Variants in CDH13 observed in about 807,000 individuals in gnomAD.
CDH13 encodes cadherin 13.
In CDH13, 24 loss-of-function variants were observed where a neutral mutation model predicts 63.8. That is an observed-to-expected ratio of 0.38 (90% CI 0.27 to 0.53). The LOEUF is 0.53. Ranked by LOEUF, CDH13 falls within the 20% of genes least tolerant of loss-of-function variation. The probability of loss-of-function intolerance (pLI) is 0.85; values close to 1 mark genes in which losing one functional copy is unlikely to be tolerated. For synonymous variants in CDH13, 503 were observed against 355.3 expected (o/e 1.42, Z -4.67); for missense variants, 1,049 against 903.1 (o/e 1.16, Z -2.07).
At chr16:82,828,042 G>A (rs1480205659) in intron 1 of CDH13, among the ~76,000 whole-genome samples, 1 of 152,136 alleles carries the variant, frequency 6.6e-6, no homozygotes, top group Non-Finnish European at 1.5e-5. Flanking sequence ...GAGACAGTTG[G>A]TCATCCTATT....
At chr16:82,744,061 G>A (rs748707941) in intron 1 of CDH13, among the ~76,000 whole-genome samples, 1 of 152,122 alleles carries the variant, frequency 6.6e-6, no homozygotes, top group Non-Finnish European at 1.5e-5. Context: ...TTTCTTAATG[G>A]AGAGATTAAA....
chr16:82,755,790 T>C (rs1229630533), intron 1 of CDH13, among the ~76,000 whole-genome samples: 1 of 152,226 alleles, frequency 6.6e-6, no homozygotes. Context: ...ATGTCCATTC[T>C]TTGGCCTTAC....
intron 1 of CDH13, among the ~76,000 whole-genome samples, chr16:82,697,739 T>TATTG (rs1216746295): frequency 1.4e-5 from 2 of 146,582 alleles, no homozygotes; most frequent in African/African-American, 5.2e-5. Flanking sequence ...GGCCGAGGCA[T>TATTG]TGTGTGTGTG....
At chr16:83,543,483 C>G (rs1379132901) in intron 7 of CDH13, among the ~76,000 whole-genome samples, 3 of 152,190 alleles carry the variant, frequency 2.0e-5, no homozygotes, top group Admixed American at 6.5e-5. Flanking sequence ...CCTTGATTCC[C>G]CAGTGAGAAT....
intron 6 of CDH13, among the ~76,000 whole-genome samples, chr16:83,428,945 GGT>G (rs1236528056): frequency 2.0e-5 from 3 of 152,022 alleles, no homozygotes; most frequent in South Asian, 4.1e-4. Context: ...CAACTCTAGG[GGT>G]TTGTTCGGTC....
chr16:82,731,749 T>C (rs1180217985), intron 1 of CDH13, among the ~76,000 whole-genome samples: 3 of 152,266 alleles, frequency 2.0e-5, no homozygotes, highest in Non-Finnish European at 2.9e-5. Flanking sequence ...GTGTACAATT[T>C]ACAATATAGA....
intron 7 of CDH13, among the ~76,000 whole-genome samples, chr16:83,504,879 G>A (rs2074361366): frequency 6.6e-6 from 1 of 152,222 alleles, no homozygotes; most frequent in Non-Finnish European, 1.5e-5. Flanking sequence ...GTCCTGCCAG[G>A]TAAGTCTCAT....
chr16:83,091,704 G>C (rs1278550309), intron 3 of CDH13, among the ~76,000 whole-genome samples: 1 of 152,166 alleles, frequency 6.6e-6, no homozygotes, highest in African/African-American at 2.4e-5. Context: ...AAATATATCT[G>C]CTAGGGTATT....
intron 11 of CDH13, among the ~76,000 whole-genome samples, chr16:83,768,732 T>C (rs977588858): frequency 6.6e-6 from 1 of 152,140 alleles, no homozygotes; most frequent in Non-Finnish European, 1.5e-5. Context: ...CTTCCTGATG[T>C]TGCCATGGCA....
intron 2 of CDH13, among the ~76,000 whole-genome samples, chr16:83,022,058 G>T (rs550764348): frequency 6.6e-6 from 1 of 152,294 alleles, no homozygotes; most frequent in South Asian, 2.1e-4. Context: ...AGTCTAAAGA[G>T]ACTCTGGACT....
At chr16:83,034,475 TCTTA>T (rs1310391005) in intron 3 of CDH13, among the ~76,000 whole-genome samples, 10 of 152,336 alleles carry the variant, frequency 6.6e-5, no homozygotes, top group Admixed American at 2.0e-4. Flanking sequence ...CAAGCTTTTC[TCTTA>T]CTTAGCCATG....
At position 83,127,516 on chromosome 16, in the gene CDH13, G is replaced by T. The variant is rs537245853; in HGVS notation, c.483+2015G>T. Among the ~76,000 whole-genome samples, 5 of 152,086 alleles carry T rather than the reference G, an allele frequency of 3.3e-5. No homozygotes were observed. In the South Asian group the frequency reaches 1.0e-3, roughly 32 times the overall value. ...ACGCTGAGGCGGGAGGATCACCCGA[G>T]GTCAGGAGTTCAAGACCATCCTGGC... is the stretch of plus-strand genomic sequence containing the variant. On this transcript the variant is annotated intron_variant, in intron 4 of 13. Coordinates refer to ENST00000567109, the MANE Select transcript of CDH13 (RefSeq NM_001257.5).
At chr16:83,658,216 A>AG in intron 8 of CDH13, among the ~76,000 whole-genome samples, 1 of 143,814 alleles carries the variant, frequency 7.0e-6, no homozygotes, top group African/African-American at 2.6e-5. Flanking sequence ...TGTCCTCACC[A>AG]CCAGGTCCCA....
chr16:83,660,146 C>T (rs919738052), intron 8 of CDH13, among the ~76,000 whole-genome samples: 1 of 152,064 alleles, frequency 6.6e-6, no homozygotes, highest in Non-Finnish European at 1.5e-5. Context: ...TTCCACGGAC[C>T]AGGATTGCGG....
At chr16:83,323,239 T>C (rs9923898) in intron 5 of CDH13, among the ~76,000 whole-genome samples, 20,037 of 108,290 alleles carry the variant, frequency 0.19, 2,093 homozygotes, top group East Asian at 0.27. Context: ...TCTTTCTTTC[T>C]TTCCTTCCTT....
At chr16:82,790,242 C>G (rs191377102) in intron 1 of CDH13, among the ~76,000 whole-genome samples, 2 of 152,252 alleles carry the variant, frequency 1.3e-5, no homozygotes, top group African/African-American at 4.8e-5. Context: ...CAAGACCAGC[C>G]TGATCAGCAG....
chr16:83,134,590 A>AGT (rs1196099349), intron 4 of CDH13, among the ~76,000 whole-genome samples: 22 of 49,422 alleles, frequency 4.5e-4, no homozygotes, highest in East Asian at 8.0e-4. Context: ...AGAGAGAGAG[A>AGT]GAGTGAGTTA....
At chr16:82,683,725 T>G (rs183923379) in intron 1 of CDH13, among the ~76,000 whole-genome samples, 45 of 152,304 alleles carry the variant, frequency 3.0e-4, no homozygotes, top group Admixed American at 2.0e-4. Flanking sequence ...ATCCACACCA[T>G]CTAGCTCAGT....
At chr16:83,057,857 A>T (rs1293035894) in intron 3 of CDH13, among the ~76,000 whole-genome samples, 1 of 152,206 alleles carries the variant, frequency 6.6e-6, no homozygotes, top group Non-Finnish European at 1.5e-5. Flanking sequence ...AGAAAGAAAA[A>T]TGCTGACGCT....
Sources: gnomAD v4.1 joint callset for allele counts (sites outside exome capture counted in the v4.1 genomes callset) on GRCh38, gnomAD v4.1.1 for gene constraint, MANE v1.5 for transcripts, NCBI Gene and HGNC (gene_info 2026-07-23, HGNC 2026-07-21) for gene names.